ICA1: variants seen among roughly 807,000 people sequenced by gnomAD.
ICA1 encodes 69 kDa islet cell autoantigen.
Under a neutral mutation model 71.0 loss-of-function variants are expected in ICA1, and 40 were observed. The ratio of observed to expected loss-of-function variants is 0.56; its 90% confidence interval spans 0.44 to 0.73. The LOEUF (loss-of-function observed/expected upper bound fraction) is 0.73. Among genes scored for constraint, ICA1 ranks in the 30% least tolerant of loss-of-function variants. The pLI is 0.00. For synonymous variants in ICA1, 207 were observed against 209.5 expected (o/e 0.99, Z 0.10); for missense variants, 578 against 576.5 (o/e 1.00, Z -0.03).
intron 13 of ICA1, chr7:8,116,133 C>G (rs183562667): frequency 6.6e-6 from 1 of 152,300 alleles, no homozygotes; most frequent in East Asian, 1.9e-4. Context: ...GTCTTGAGCC[C>G]TAGATGTTCA....
At chr7:8,168,317 AAC>A (rs1379181761) in intron 6 of ICA1, among the ~76,000 whole-genome samples, 1 of 152,144 alleles carries the variant, frequency 6.6e-6, no homozygotes, top group Non-Finnish European at 1.5e-5. Flanking sequence ...AGAAACACAG[AAC>A]CCTTTCCATT....
At chr7:8,261,522 C>G (rs1292253633) in intron 1 of ICA1, among the ~76,000 whole-genome samples, 1 of 152,190 alleles carries the variant, frequency 6.6e-6, no homozygotes, top group Non-Finnish European at 1.5e-5. Context: ...GCACCTCGCC[C>G]CCGGGGGACC....
chr7:8,139,371 G>T (rs1794458338), intron 10 of ICA1, among the ~76,000 whole-genome samples: 1 of 152,110 alleles, frequency 6.6e-6, no homozygotes, highest in African/African-American at 2.4e-5. Flanking sequence ...TAGCCATATG[G>T]GCCTGGCTAA....
intron 6 of ICA1, among the ~76,000 whole-genome samples, chr7:8,210,774 G>A (rs1301259719): frequency 6.6e-6 from 1 of 152,152 alleles, no homozygotes; most frequent in Non-Finnish European, 1.5e-5. Context: ...GAGTACAGTG[G>A]CGTGATCATG....
At chr7:8,146,857 TAC>T (rs112979260) in intron 8 of ICA1, among the ~76,000 whole-genome samples, 2,850 of 125,168 alleles carry the variant, frequency 0.023, 39 homozygotes, top group South Asian at 0.11. Context: ...TTTATTCATG[TAC>T]ACACACACAC....
chr7:8,232,125 T>G (rs1191413700), intron 3 of ICA1, among the ~76,000 whole-genome samples: 1 of 152,232 alleles, frequency 6.6e-6, no homozygotes, highest in African/African-American at 2.4e-5. Context: ...TCCAGCTTAC[T>G]ATATTGTTAA....
At chr7:8,155,512 A>G (rs577350303) in intron 8 of ICA1, among the ~76,000 whole-genome samples, 15 of 152,332 alleles carry the variant, frequency 9.8e-5, no homozygotes, top group Admixed American at 5.9e-4. Context: ...TTCACATTGT[A>G]CTTTATATGC....
intron 12 of ICA1, among the ~76,000 whole-genome samples, chr7:8,129,644 G>A (rs2128077259): frequency 6.6e-6 from 1 of 152,270 alleles, no homozygotes; most frequent in South Asian, 2.1e-4. Flanking sequence ...AGGTGTTGTG[G>A]GTGAGAAGAT....
In ICA1 at chr7:8,240,637, C is replaced by T. The variant is rs565511502; in HGVS notation, c.-79-4632G>A. On this transcript the variant is annotated intron_variant, in intron 1 of 13. Coordinates refer to ENST00000402384, the MANE Select transcript of ICA1 (RefSeq NM_001136020.3). ...TCCGAGCTAAAGGAGACTGTTCAAA[C>T]CCATTGCAAGGAAGCTAAAAACCTT... Among the ~76,000 whole-genome samples, 5 of 152,154 alleles carry T rather than the reference C, an allele frequency of 3.3e-5. No individual in the cohort carries two copies. The South Asian group carries it at 1.0e-3, about 32-fold the overall frequency.
intron 3 of ICA1, among the ~76,000 whole-genome samples, chr7:8,229,689 C>A (rs1799669217): frequency 6.6e-6 from 1 of 152,192 alleles, no homozygotes. Context: ...AAAACAGATG[C>A]ATGCATATAT....
intron 9 of ICA1, chr7:8,142,037 G>A: frequency 1.4e-6 from 2 of 1,453,544 alleles, no homozygotes; most frequent in Non-Finnish European, 1.8e-6. Context: ...TCATCTCGAG[G>A]CAAATATTCT....
chr7:8,261,953 T>C (rs2302551), intron 1 of ICA1, 141 bp downstream of exon 1: 95,334 of 152,350 alleles, frequency 0.63, 30,574 homozygotes, highest in African/African-American at 0.76. Flanking sequence ...AGGAGGCGAC[T>C]CGCCTATCAC....
chr7:8,221,332 C>G lies in ICA1; in HGVS notation c.323G>C (p.Arg108Thr). ...LRSQGFQDKT[R>T]AGKMMQATGK... The stretch of plus-strand genomic sequence containing the variant: ...TGTCGCTTGCATCATCTTTCCTGCT[C>G]TGGTTTTATCTTGGAAACCTTGGGA... Residue 108 changes from arginine to threonine, a missense_variant, in exon 5 of 14, where the codon AGA (arginine) becomes ACA (threonine). By Grantham distance (71) the Arg-to-Thr change is moderately conservative. Coordinates refer to ENST00000402384, the MANE Select transcript of ICA1 (RefSeq NM_001136020.3). 5.0e-6 allele frequency: 8 copies of G among 1,613,752 alleles called. No individual in the cohort carries two copies. The highest frequency in any genetic ancestry group is 5.9e-6 in the Non-Finnish European group (7 of 1,179,750).
chr7:8,185,673 T>C (rs1783676749), intron 6 of ICA1, among the ~76,000 whole-genome samples: 1 of 152,218 alleles, frequency 6.6e-6, no homozygotes, highest in Non-Finnish European at 1.5e-5. Context: ...AAATTTGGGC[T>C]CGAATGTTTC....
Position 8,223,043 on chromosome 7 carries a change from T to C in ICA1, c.257-1645A>G, listed in dbSNP as rs1045383608. 3.3e-5 allele frequency among the ~76,000 whole-genome samples: 5 copies of C among 152,376 alleles called. No homozygotes were observed. Among genetic ancestry groups the C allele is most frequent in the East Asian group, 1.9e-4 (1 of 5,192 alleles). On this transcript the variant is annotated intron_variant, in intron 4 of 13. Coordinates refer to ENST00000402384, the MANE Select transcript of ICA1 (RefSeq NM_001136020.3). The surrounding 1 kb of genome is among the most constrained non-coding windows in gnomAD (Gnocchi z 4.1). Reference sequence around the variant, plus strand: ...CACTTTATTTCAGTTGAAATACTTATTGCCTTTTAATACTCACGCCATGGT... The same window carrying C: ...CACTTTATTTCAGTTGAAATACTTACTGCCTTTTAATACTCACGCCATGGT...
At position 8,242,941 on chromosome 7, in the gene ICA1, A is replaced by G. The variant is rs1804520396; in HGVS notation, c.-79-6936T>C. On this transcript the variant is annotated intron_variant, in intron 1 of 13. Coordinates refer to ENST00000402384, the MANE Select transcript of ICA1 (RefSeq NM_001136020.3). Reference sequence around the variant, plus strand: ...AATAATTAATAGCCTACCAACCAAAAAAAGTCCAGGACCAGACGGATTCAC... The same window carrying G: ...AATAATTAATAGCCTACCAACCAAAGAAAGTCCAGGACCAGACGGATTCAC... Among the ~76,000 whole-genome samples, 3 of 152,330 alleles carry G rather than the reference A, an allele frequency of 2.0e-5. No homozygotes were observed. The South Asian group carries it at 6.2e-4, about 32-fold the overall frequency.
chr7:8,221,951 C>T (rs1019217812), intron 4 of ICA1, among the ~76,000 whole-genome samples: 1 of 152,144 alleles, frequency 6.6e-6, no homozygotes, highest in Non-Finnish European at 1.5e-5. Flanking sequence ...TTTAAAAATA[C>T]AGAGCTGGAA....
At chr7:8,194,301 T>C (rs1786681114) in intron 6 of ICA1, among the ~76,000 whole-genome samples, 1 of 152,184 alleles carries the variant, frequency 6.6e-6, no homozygotes, top group Non-Finnish European at 1.5e-5. Context: ...TAATAAATGT[T>C]AATATCAGTG....
At chr7:8,175,926 C>A (rs565114265) in intron 6 of ICA1, among the ~76,000 whole-genome samples, 5 of 152,144 alleles carry the variant, frequency 3.3e-5, no homozygotes, top group Non-Finnish European at 5.9e-5. Flanking sequence ...GTTTATCCCC[C>A]GCTCCTGCCT....
Sources: allele counts gnomAD v4.1 joint callset (sites outside exome capture counted in the v4.1 genomes callset), GRCh38; gene constraint gnomAD v4.1.1; non-coding constraint Gnocchi (gnomAD v3.1); transcripts MANE v1.5; gene names NCBI Gene and HGNC (gene_info 2026-07-23, HGNC 2026-07-21).